Variants in BCKDHB observed in about 807,000 individuals in gnomAD.
BCKDHB encodes the protein branched chain keto acid dehydrogenase E1 subunit beta.
Under a neutral mutation model 48.5 loss-of-function variants are expected in BCKDHB, and 41 were observed. That is an observed-to-expected ratio of 0.85 (90% confidence interval 0.66 to 1.10). The LOEUF (loss-of-function observed/expected upper bound fraction) is 1.10. BCKDHB is among the 50% of genes least tolerant of loss of function. BCKDHB has a pLI of 0.00. For synonymous variants in BCKDHB, 201 were observed against 174.8 expected, an observed-to-expected ratio of 1.15 and a Z score of -1.18; for missense variants, 496 against 494.2, an observed-to-expected ratio of 1.00 and a Z score of -0.03.
intron 6 of BCKDHB, 96 bp from the exon 7 acceptor site, chr6:80,200,838 A>G: frequency 1.0e-6 from 1 of 991,186 alleles, no homozygotes; most frequent in Admixed American, 2.1e-5. Context: ...AAAAAATAAA[A>G]TAAAGCTTTG....
intron 3 of BCKDHB, among the ~76,000 whole-genome samples, chr6:80,159,682 T>C (rs1185951822): frequency 6.6e-6 from 1 of 152,236 alleles, no homozygotes; most frequent in Non-Finnish European, 1.5e-5. Flanking sequence ...ACATATTCTA[T>C]CAAGTATACT....
chr6:80,246,867 A>C (rs1018004076), intron 8 of BCKDHB, among the ~76,000 whole-genome samples: 1 of 151,960 alleles, frequency 6.6e-6, no homozygotes, highest in Non-Finnish European at 1.5e-5. Context: ...ATACATAGAC[A>C]AACTCACACA....
chr6:80,138,636 T>C (rs1170657693), intron 3 of BCKDHB, among the ~76,000 whole-genome samples: 1 of 152,236 alleles, frequency 6.6e-6, no homozygotes. Context: ...TCATTTTTTA[T>C]GGCTGCATAG....
At chr6:80,384,883 G>A in the BCKDHB span, among the ~76,000 whole-genome samples, 6 of 152,184 alleles carry the variant, frequency 3.9e-5, no homozygotes, top group East Asian at 1.2e-3. Context: ...GTTGGTTTTG[G>A]GATTTCTGGA....
At chr6:80,139,523 G>T (rs1771074105) in intron 3 of BCKDHB, among the ~76,000 whole-genome samples, 1 of 149,982 alleles carries the variant, frequency 6.7e-6, no homozygotes. Flanking sequence ...TCTACATATG[G>T]CTAGCCAGTT....
intron 3 of BCKDHB, among the ~76,000 whole-genome samples, chr6:80,129,486 G>A (rs746861528): frequency 2.0e-5 from 3 of 152,080 alleles, no homozygotes; most frequent in Non-Finnish European, 4.4e-5. Flanking sequence ...ATTATTTATT[G>A]TGTCATTCTT....
intron 8 of BCKDHB, among the ~76,000 whole-genome samples, chr6:80,205,863 G>T (rs1015673825): frequency 6.7e-6 from 1 of 149,560 alleles, no homozygotes; most frequent in Non-Finnish European, 1.5e-5. Flanking sequence ...AGAATCAGCT[G>T]TGTGAGTTCA....
At chr6:80,430,364 G>A in the BCKDHB span, among the ~76,000 whole-genome samples, 2 of 152,136 alleles carry the variant, frequency 1.3e-5, no homozygotes, top group African/African-American at 4.8e-5. Context: ...GTATCAGGAT[G>A]ATGCTGGCTT....
intron 8 of BCKDHB, among the ~76,000 whole-genome samples, chr6:80,231,401 A>G (rs911806383): frequency 1.3e-5 from 2 of 152,186 alleles, no homozygotes; most frequent in Admixed American, 1.3e-4. Flanking sequence ...ACAAAAATAA[A>G]CAAAAATAAA....
At chr6:80,124,994 G>A (rs1053754545) in intron 1 of BCKDHB, among the ~76,000 whole-genome samples, 12 of 152,142 alleles carry the variant, frequency 7.9e-5, no homozygotes, top group African/African-American at 2.9e-4. Flanking sequence ...GTCCTTTGAA[G>A]CCAGGCATTG....
intron 8 of BCKDHB, 151 bp downstream of exon 8, chr6:80,203,363 T>C (rs767892452): frequency 1.5e-6 from 1 of 657,358 alleles, no homozygotes. Context: ...AAGAAAGTTG[T>C]ATAAACAGCT....
intron 6 of BCKDHB, among the ~76,000 whole-genome samples, chr6:80,175,634 T>A (rs910679546): frequency 2.0e-5 from 3 of 152,204 alleles, no homozygotes; most frequent in Non-Finnish European, 2.9e-5. Context: ...ACAACACATT[T>A]GCCCATCACT....
chr6:80,443,622 G>A, the BCKDHB span: 1 of 152,198 alleles, frequency 6.6e-6, no homozygotes, highest in Non-Finnish European at 1.5e-5. Flanking sequence ...CACTAAGCAA[G>A]TTTTCTATAC....
At chr6:80,371,075 A>G in the BCKDHB span, among the ~76,000 whole-genome samples, 5,369 of 152,130 alleles carry the variant, frequency 0.035, 129 homozygotes, top group Non-Finnish European at 0.056. Flanking sequence ...ACTATTTTCC[A>G]TAGTGGTTGT....
At chr6:80,367,179 A>G in the BCKDHB span, among the ~76,000 whole-genome samples, 1 of 152,120 alleles carries the variant, frequency 6.6e-6, no homozygotes, top group Non-Finnish European at 1.5e-5. Context: ...TGTTAAAGTT[A>G]CTCAATATAA....
chr6:80,124,970 A>G lies in BCKDHB; in HGVS notation c.197-2577A>G, dbSNP rs76069532. ...ATCACCAGCTACATTAGCCCCTTAC[A>G]AAAGAGTCCACCTGTCCTTTGAAGC... On this transcript the variant is annotated intron_variant, in intron 1 of 9. Transcript: ENST00000320393. 4.6e-5 allele frequency among the ~76,000 whole-genome samples: 7 copies of G among 152,300 alleles called. No homozygotes were observed. The East Asian group carries it at 1.4e-3, about 29-fold the overall frequency.
chr6:80,190,354 A>G (rs925444439), intron 6 of BCKDHB, among the ~76,000 whole-genome samples: 4 of 152,208 alleles, frequency 2.6e-5, no homozygotes, highest in African/African-American at 7.2e-5. Flanking sequence ...ACTTAGGGAA[A>G]GGATCAAGCT....
chr6:80,383,055 A>G, the BCKDHB span, among the ~76,000 whole-genome samples: 2 of 152,090 alleles, frequency 1.3e-5, no homozygotes, highest in African/African-American at 4.8e-5. Flanking sequence ...TCTGTTCCAC[A>G]TGTTCTGCAT....
the BCKDHB span, among the ~76,000 whole-genome samples, chr6:80,391,181 G>GTGTGTGTT: frequency 6.6e-6 from 1 of 151,724 alleles, no homozygotes; most frequent in Non-Finnish European, 1.5e-5. Flanking sequence ...ATATATATGT[G>GTGTGTGTT]TGTGTGTGTG....
Sources: gnomAD v4.1 joint callset for allele counts (sites outside exome capture counted in the v4.1 genomes callset) on GRCh38, gnomAD v4.1.1 for gene constraint, MANE v1.5 for transcripts, NCBI Gene and HGNC (gene_info 2026-07-23, HGNC 2026-07-21) for gene names.